The following ARAP2 variants were observed in gnomAD, a reference collection of about 807,000 sequenced individuals.
The protein encoded by ARAP2 is ArfGAP with RhoGAP domain, ankyrin repeat and PH domain 2.
Under a neutral mutation model 194.5 loss-of-function variants are expected in ARAP2, and 148 were observed. The observed-to-expected ratio is 0.76, with a 90% CI of 0.67 to 0.87. The LOEUF is 0.87. Ranked by LOEUF, ARAP2 falls within the 40% of genes least tolerant of loss-of-function variation. The pLI is 0.00. For synonymous variants in ARAP2, 695 were observed against 683.5 expected (o/e 1.02, Z -0.26); for missense variants, 2,128 against 1,989.7 (o/e 1.07, Z -1.32).
Position 36,117,115 on chromosome 4 carries a change from C to G in ARAP2, c.3984G>C (p.Leu1328Phe). The change falls in exon 25 of 33, where the codon TTG becomes TTC. Residue 1328 changes from leucine (L) to phenylalanine (F), a missense_variant. Physicochemically the swap from Leu to Phe is conservative, Grantham distance 22 (BLOSUM62 0). Coordinates refer to ENST00000303965, the MANE Select transcript of ARAP2 (RefSeq NM_015230.4). ...TCCTTTCTACATATACTTCAATTAA[C>G]AAATCTCCAGCCTGGGAAACCTAGA... ...KDTQVSQAGDLLIEVYVERKE... is the reference protein window; with the variant it reads ...KDTQVSQAGDFLIEVYVERKE... The G allele has an allele frequency of 6.3e-7, 1 of 1,597,900 alleles. No homozygotes were observed. Among genetic ancestry groups the G allele is most frequent in the Non-Finnish European group, 8.5e-7 (1 of 1,172,904 alleles).
intron 28 of ARAP2, among the ~76,000 whole-genome samples, chr4:36,090,571 T>G (rs991616521): frequency 6.6e-6 from 1 of 152,112 alleles, no homozygotes; most frequent in Non-Finnish European, 1.5e-5. Context: ...CATGGAACAG[T>G]ATGCATCCAT....
chr4:36,089,058 C>T (rs1006982465), intron 28 of ARAP2, among the ~76,000 whole-genome samples: 4 of 152,068 alleles, frequency 2.6e-5, no homozygotes, highest in Non-Finnish European at 5.9e-5. Flanking sequence ...CATGTGACCA[C>T]CATCCAAAAC....
At chr4:36,133,440 A>T in intron 19 of ARAP2, 51 bp from the exon 20 acceptor site, 1 of 1,524,844 alleles carries the variant, frequency 6.6e-7, no homozygotes, top group Non-Finnish European at 8.9e-7. Context: ...TTTAAAAAAA[A>T]ATCTTACTCC....
chr4:36,234,370 C>T (rs1029460626), intron 1 of ARAP2, among the ~76,000 whole-genome samples: 6 of 152,154 alleles, frequency 3.9e-5, no homozygotes, highest in Non-Finnish European at 8.8e-5. Context: ...AGACTAATTC[C>T]ATTCACCAGA....
At chr4:36,082,391 G>T in intron 29 of ARAP2, 105 bp from the exon 30 acceptor site, 2 of 1,136,184 alleles carry the variant, frequency 1.8e-6, no homozygotes, top group Non-Finnish European at 2.5e-6. Flanking sequence ...TGGTGGGAAT[G>T]CATAGACTTC....
chr4:36,145,547 AG>A (rs1166581932), intron 19 of ARAP2, among the ~76,000 whole-genome samples: 1 of 151,906 alleles, frequency 6.6e-6, no homozygotes, highest in Non-Finnish European at 1.5e-5. Flanking sequence ...AAAGGGGGCA[AG>A]GGCTGAAAAA....
At chr4:36,218,440 T>TA (rs1020261681) in intron 2 of ARAP2, among the ~76,000 whole-genome samples, 142 of 149,614 alleles carry the variant, frequency 9.5e-4, no homozygotes, top group Middle Eastern at 3.4e-3. Context: ...ACTAAAATAT[T>TA]AAAAAAAAAA....
At chr4:36,173,815 A>G (rs1578168310) in intron 9 of ARAP2, among the ~76,000 whole-genome samples, 1 of 152,232 alleles carries the variant, frequency 6.6e-6, no homozygotes, top group Non-Finnish European at 1.5e-5. Context: ...TAAAGTAAAT[A>G]TTCACACTGT....
intron 19 of ARAP2, among the ~76,000 whole-genome samples, chr4:36,146,824 C>G (rs1729732217): frequency 6.6e-6 from 1 of 152,006 alleles, no homozygotes; most frequent in African/African-American, 2.4e-5. Flanking sequence ...GTTTACTCAT[C>G]ATGATATCAC....
chr4:36,029,948 C>A (rs1269089699), intron 5 of ARAP2, among the ~76,000 whole-genome samples: 1 of 151,978 alleles, frequency 6.6e-6, no homozygotes, highest in East Asian at 1.9e-4. Context: ...TAATTCAGAA[C>A]AGATAATAAT....
At chr4:36,239,989 G>A (rs1753212904) in intron 1 of ARAP2, among the ~76,000 whole-genome samples, 1 of 152,154 alleles carries the variant, frequency 6.6e-6, no homozygotes, top group Non-Finnish European at 1.5e-5. Context: ...CCAGGCAGTA[G>A]TATAGATAGC....
chr4:36,167,328 C>T (rs1276810461), intron 9 of ARAP2, among the ~76,000 whole-genome samples: 1 of 152,082 alleles, frequency 6.6e-6, no homozygotes, highest in Non-Finnish European at 1.5e-5. Context: ...ACAATATTCA[C>T]CCTTATCCAT....
chr4:36,046,782 A>G (rs974100767), exon 4 of ARAP2: 1 of 152,280 alleles, frequency 6.6e-6, no homozygotes, highest in Non-Finnish European at 1.5e-5. Context: ...TCCAGGCCAG[A>G]GTAGAGCAAG....
At chr4:36,092,277 G>A (rs1018397877) in intron 27 of ARAP2, among the ~76,000 whole-genome samples, 1 of 152,114 alleles carries the variant, frequency 6.6e-6, no homozygotes. Flanking sequence ...GGTGCTATAA[G>A]TATAAAGTTT....
chr4:36,118,212 T>C (rs780454026), intron 24 of ARAP2, among the ~76,000 whole-genome samples: 1 of 150,282 alleles, frequency 6.7e-6, no homozygotes, highest in South Asian at 2.1e-4. Flanking sequence ...AAGTAAAAGA[T>C]ACAGTTGACA....
chr4:36,179,501 A>G (rs1255571221), intron 8 of ARAP2, among the ~76,000 whole-genome samples: 1 of 152,226 alleles, frequency 6.6e-6, no homozygotes, highest in Non-Finnish European at 1.5e-5. Flanking sequence ...AAGAAGACCC[A>G]TGGAAATGAA....
chr4:36,159,399 G>C lies in ARAP2; in HGVS notation c.2549C>G (p.Pro850Arg). 6.2e-7 allele frequency: 1 copy of C among 1,611,036 alleles called. No homozygotes were observed. The highest frequency in any genetic ancestry group is 8.5e-7 in the Non-Finnish European group (1 of 1,178,070). Residue 850 changes from proline (P) to arginine (R), a missense_variant, in exon 14 of 33, where the codon CCC becomes CGC. Pro to Arg is a moderately radical substitution (Grantham distance 103, BLOSUM62 -2). Coordinates refer to ENST00000303965, the MANE Select transcript of ARAP2 (RefSeq NM_015230.4). ...CCCAGCTTTCTTGGCTAGCAGATAGGGGGTGCTATGCACGGGGTCTCCGGT... is the reference window on the plus strand; with the variant it reads ...CCCAGCTTTCTTGGCTAGCAGATAGCGGGTGCTATGCACGGGGTCTCCGGT... ...CATGDPVHST[P>R]YLLAKKAGQS...
At chr4:36,182,423 G>A (rs887654267) in intron 8 of ARAP2, among the ~76,000 whole-genome samples, 8 of 152,054 alleles carry the variant, frequency 5.3e-5, no homozygotes, top group Non-Finnish European at 1.2e-4. Context: ...TTGAACCAGG[G>A]AGGTGGAGTT....
intron 19 of ARAP2, among the ~76,000 whole-genome samples, chr4:36,137,417 T>C (rs181110487): frequency 6.6e-6 from 1 of 151,990 alleles, no homozygotes; most frequent in Admixed American, 6.6e-5. Context: ...ATAAATCCAA[T>C]TGCATTTCCT....
Sources: allele counts gnomAD v4.1 joint callset (sites outside exome capture counted in the v4.1 genomes callset), GRCh38; gene constraint gnomAD v4.1.1; transcripts MANE v1.5; gene names NCBI Gene and HGNC (gene_info 2026-07-23, HGNC 2026-07-21).